The following RBMS3 variants were observed in gnomAD, a reference collection of about 807,000 sequenced individuals.
RBMS3 encodes the protein RNA-binding motif, single-stranded-interacting protein 3.
A neutral mutation model predicts 66.8 loss-of-function variants in RBMS3; 27 were observed. The observed-to-expected ratio is 0.40, with a 90% CI of 0.30 to 0.56. RBMS3 has a LOEUF of 0.56. RBMS3 is among the 20% of genes least tolerant of loss of function. RBMS3 has a pLI of 0.40. For missense variants in RBMS3, 513 were observed against 549.5 expected, an observed-to-expected ratio of 0.93 and a Z score of 0.66; for synonymous variants, 188 against 183.0, an observed-to-expected ratio of 1.03 and a Z score of -0.22.
chr3:29,968,412 C>G (rs1485657760), intron 12 of RBMS3, among the ~76,000 whole-genome samples: 2 of 152,152 alleles, frequency 1.3e-5, no homozygotes. Flanking sequence ...AATTCCTTCT[C>G]CCAGTGGAGT....
At chr3:29,906,967 AT>A (rs2060396095) in intron 10 of RBMS3, among the ~76,000 whole-genome samples, 1 of 152,122 alleles carries the variant, frequency 6.6e-6, no homozygotes, top group Non-Finnish European at 1.5e-5. Context: ...CAGTTGAGAA[AT>A]TTTTTATCAT....
At chr3:29,327,067 A>G (rs1047621352) in intron 1 of RBMS3, among the ~76,000 whole-genome samples, 1 of 152,116 alleles carries the variant, frequency 6.6e-6, no homozygotes, top group African/African-American at 2.4e-5. Context: ...TATTTTAAAA[A>G]TCCTTTTTAA....
intron 3 of RBMS3, among the ~76,000 whole-genome samples, chr3:29,505,100 C>T (rs2044131684): frequency 6.6e-6 from 1 of 151,910 alleles, no homozygotes; most frequent in African/African-American, 2.4e-5. Flanking sequence ...GTTTCCTGTG[C>T]TTTTAGTGTC....
At chr3:29,438,886 G>A (rs1279708853) in intron 2 of RBMS3, among the ~76,000 whole-genome samples, 1 of 152,172 alleles carries the variant, frequency 6.6e-6, no homozygotes, top group Non-Finnish European at 1.5e-5. Context: ...AATTGCAACT[G>A]TAAGTGCAAA....
intron 3 of RBMS3, among the ~76,000 whole-genome samples, chr3:29,549,058 T>C (rs1055752049): frequency 1.2e-4 from 16 of 133,920 alleles, no homozygotes; most frequent in Admixed American, 6.9e-4. Context: ...CTCCTACTTC[T>C]GTTTTTTTTT....
chr3:29,714,120 C>T (rs1294351752), intron 4 of RBMS3, among the ~76,000 whole-genome samples: 1 of 152,116 alleles, frequency 6.6e-6, no homozygotes, highest in South Asian at 2.1e-4. Context: ...TGAGCACCCA[C>T]TATAAGCCAG....
At position 29,527,181 on chromosome 3, in the gene RBMS3, T is replaced by TTAAA. The variant is rs1491567884; in HGVS notation, c.307+38682_307+38683insTAAA. On this transcript the variant is annotated intron_variant, in intron 3 of 14. Coordinates refer to ENST00000383767, the MANE Select transcript of RBMS3 (RefSeq NM_001003793.3). ...TTTCAGACGTGATTGTTAGGTAGAGTAAAAAAAAAAAAAAAAAAAAAAAAA... is the reference window on the plus strand; with the variant it reads ...TTTCAGACGTGATTGTTAGGTAGAGTTAAAAAAAAAAAAAAAAAAAAAAAAAAAA... Among the ~76,000 whole-genome samples, 28 of 87,820 alleles carry TTAAA rather than the reference T, an allele frequency of 3.2e-4. 1 individual carries two copies. Among genetic ancestry groups the TTAAA allele is most frequent in the African/African-American group, 8.1e-4 (17 of 21,074 alleles). 57.6% of individuals were successfully genotyped at this position (87,820 alleles called of 152,430 possible). A position where few individuals can be genotyped will look rare whatever the true frequency, so the allele number is the denominator to read the frequency against.
chr3:29,899,974 GA>G (rs1157730588), intron 10 of RBMS3, among the ~76,000 whole-genome samples: 1 of 151,098 alleles, frequency 6.6e-6, no homozygotes, highest in Non-Finnish European at 1.5e-5. Context: ...GAGAGAGGGT[GA>G]AAAAGCAAGA....
At chr3:29,467,332 G>T (rs532236028) in intron 2 of RBMS3, among the ~76,000 whole-genome samples, 1 of 152,154 alleles carries the variant, frequency 6.6e-6, no homozygotes, top group Non-Finnish European at 1.5e-5. Flanking sequence ...AACCTGAAAA[G>T]TTATCTTGAC....
At chr3:29,886,157 A>T (rs2059865058) in intron 8 of RBMS3, among the ~76,000 whole-genome samples, 1 of 151,926 alleles carries the variant, frequency 6.6e-6, no homozygotes, top group African/African-American at 2.4e-5. Context: ...TAAAATCAGT[A>T]GTAATTTCAA....
intron 4 of RBMS3, among the ~76,000 whole-genome samples, chr3:29,601,356 G>C (rs1377969327): frequency 6.6e-6 from 1 of 151,918 alleles, no homozygotes; most frequent in African/African-American, 2.4e-5. Flanking sequence ...TCGAAATTAT[G>C]AAATTGGGGG....
At chr3:29,520,419 T>G (rs2044810393) in intron 3 of RBMS3, among the ~76,000 whole-genome samples, 1 of 152,186 alleles carries the variant, frequency 6.6e-6, no homozygotes. Flanking sequence ...ACATTTCTAT[T>G]GGACAGTACT....
At chr3:29,363,503 C>A (rs994835454) in intron 1 of RBMS3, among the ~76,000 whole-genome samples, 1 of 152,118 alleles carries the variant, frequency 6.6e-6, no homozygotes, top group Non-Finnish European at 1.5e-5. Context: ...ATTAAAACAA[C>A]TATTTGCCGG....
intron 4 of RBMS3, among the ~76,000 whole-genome samples, chr3:29,637,754 C>T (rs1559527581): frequency 6.6e-6 from 1 of 151,840 alleles, no homozygotes; most frequent in African/African-American, 2.4e-5. Context: ...TACCAGGATA[C>T]ATGTATAAAG....
At chr3:29,398,980 T>C (rs1406567463) in intron 1 of RBMS3, among the ~76,000 whole-genome samples, 3 of 152,200 alleles carry the variant, frequency 2.0e-5, no homozygotes, top group Admixed American at 6.6e-5. Context: ...AATCACTTAG[T>C]AGCTCTCCTC....
chr3:29,290,460 G>C (rs1447603406), intron 1 of RBMS3, among the ~76,000 whole-genome samples: 1 of 151,708 alleles, frequency 6.6e-6, no homozygotes, highest in Non-Finnish European at 1.5e-5. Context: ...CTTTGACTTG[G>C]TGGGAACTAC....
At chr3:29,669,231 C>A (rs1037997168) in intron 4 of RBMS3, among the ~76,000 whole-genome samples, 1 of 152,222 alleles carries the variant, frequency 6.6e-6, no homozygotes, top group South Asian at 2.1e-4. Context: ...CTTGGCTCTT[C>A]TTTCTTCCCC....
At position 29,588,538 on chromosome 3, in the gene RBMS3, T is replaced by C. The variant is rs114406479; in HGVS notation, c.399+1333T>C. ...TCTTCTAGTGAACTGATACAGACCA[T>C]ATCTGTTAACCTTTTGTTGCAAGTC... On this transcript the variant is annotated intron_variant, in intron 4 of 14. Transcript: ENST00000383767. Among the ~76,000 whole-genome samples, 615 of 152,198 alleles carry C rather than the reference T, an allele frequency of 4.0e-3. 8 individuals carry two copies. The highest frequency in any genetic ancestry group is 0.014 in the African/African-American group (594 of 41,558).
At chr3:29,307,180 C>G (rs1276828910) in intron 1 of RBMS3, among the ~76,000 whole-genome samples, 4 of 151,848 alleles carry the variant, frequency 2.6e-5, no homozygotes, top group Admixed American at 6.6e-5. Context: ...CTCCACTGAC[C>G]AAATGTTTCC....
Sources: allele counts gnomAD v4.1 joint callset (sites outside exome capture counted in the v4.1 genomes callset), GRCh38; gene constraint gnomAD v4.1.1; transcripts MANE v1.5; gene names NCBI Gene and HGNC (gene_info 2026-07-23, HGNC 2026-07-21).